Variants in GUCY1A1 observed in about 807,000 individuals in gnomAD.
GUCY1A1 encodes the protein guanylate cyclase 1 soluble subunit alpha 1, also known as guanylate cyclase soluble subunit alpha-1.
Under a neutral mutation model 64.5 loss-of-function variants are expected in GUCY1A1, and 48 were observed. That is an observed-to-expected ratio of 0.74 (90% CI 0.59 to 0.95). The LOEUF is 0.95. Among genes scored for constraint, GUCY1A1 ranks in the 40% least tolerant of loss-of-function variants. The pLI, the probability that GUCY1A1 is intolerant of heterozygous loss-of-function variation, is 0.00. For synonymous variants in GUCY1A1, 308 were observed against 303.4 expected, an observed-to-expected ratio of 1.02 and a Z score of -0.16; for missense variants, 804 against 825.3, an observed-to-expected ratio of 0.97 and a Z score of 0.32.
Position 155,735,150 on chromosome 4 carries a change from A to T in GUCY1A1, c.*4919A>T, listed in dbSNP as rs918171032. ...TACTTCCCTTGAAGCAGCTTTGCTT[A>T]TTACAGCCACACCTGCATCTGTTTT... is the stretch of plus-strand genomic sequence containing the variant. On this transcript the variant is annotated 3_prime_UTR_variant, in exon 10 of 10. Coordinates refer to ENST00000506455, the MANE Select transcript of GUCY1A1 (RefSeq NM_001130682.3). The T allele has an allele frequency of 6.6e-6, 1 of 151,916 alleles. No individual in the cohort carries two copies. Among genetic ancestry groups the T allele is most frequent in the African/African-American group, 2.4e-5 (1 of 41,396 alleles). The allele number at this position is 151,916 out of a possible 1,614,324, so 9.4% of individuals were successfully genotyped here.
chr4:155,697,238 G>C (rs1433646089), intron 3 of GUCY1A1, 116 bp downstream of exon 3: 1 of 759,028 alleles, frequency 1.3e-6, no homozygotes, highest in African/African-American at 1.8e-5. Flanking sequence ...AATAAATGTA[G>C]AATATTTTCT....
rs2170646 is a variant in GUCY1A1 at position 155,696,940 on chromosome 4, G to A, written c.73G>A (p.Val25Ile). ...CPFSLLAPGQ[V>I]PNESSEEAAG... ...TTTCTCCTTACTGGCACCAGGTCAA[G>A]TTCCTAACGAGTCTTCAGAGGAGGC... The change falls in exon 3 of 10, where the codon GTT (valine) becomes ATT (isoleucine). Residue 25 changes from valine (V) to isoleucine (I), a missense_variant. Coordinates refer to ENST00000506455, the MANE Select transcript of GUCY1A1 (RefSeq NM_001130682.3). 5.6e-3 allele frequency: 8,978 copies of A among 1,613,388 alleles called. 433 individuals carry two copies. The African/African-American group carries it at 0.1, about 18-fold the overall frequency.
intron 4 of GUCY1A1, among the ~76,000 whole-genome samples, chr4:155,707,839 C>CTTTCTTTT (rs1553999142): frequency 9.1e-5 from 13 of 143,270 alleles, no homozygotes; most frequent in South Asian, 4.4e-4. Context: ...TTCTTTCTTT[C>CTTTCTTTT]TTTTTTTTTT....
At chr4:155,711,981 T>C (rs1254398333) in intron 6 of GUCY1A1, among the ~76,000 whole-genome samples, 3 of 152,224 alleles carry the variant, frequency 2.0e-5, no homozygotes, top group South Asian at 4.1e-4. Context: ...AAACTAATTA[T>C]ATACATTTTT....
intron 2 of GUCY1A1, among the ~76,000 whole-genome samples, chr4:155,686,858 T>C (rs1305224706): frequency 6.6e-6 from 1 of 152,200 alleles, no homozygotes; most frequent in Non-Finnish European, 1.5e-5. Flanking sequence ...TATTATATAA[T>C]AGAATTAGAT....
chr4:155,680,967 G>GCACACA (rs61277352), intron 2 of GUCY1A1, among the ~76,000 whole-genome samples: 1 of 143,798 alleles, frequency 7.0e-6, no homozygotes, highest in African/African-American at 2.5e-5. Context: ...ACACACACAT[G>GCACACA]CACACACACA....
rs868610245 is a variant in GUCY1A1, at chr4:155,675,058, T to C, written c.-113+7639T>C. Among the ~76,000 whole-genome samples the C allele has an allele frequency of 7.3e-5, 11 of 151,530 alleles. No homozygotes were observed. The South Asian group carries it at 8.3e-4, about 11-fold the overall frequency. On this transcript the variant is annotated intron_variant, in intron 2 of 9. Coordinates refer to ENST00000506455, the MANE Select transcript of GUCY1A1 (RefSeq NM_001130682.3). ...ATTTTTCAGCCCCATTATAAACATA[T>C]GGGAACATGATTGTGTATGTGGTCC...
At chr4:155,693,843 G>C (rs778134378) in intron 2 of GUCY1A1, among the ~76,000 whole-genome samples, 1 of 152,138 alleles carries the variant, frequency 6.6e-6, no homozygotes, top group Admixed American at 6.5e-5. Context: ...GGATTCAGTA[G>C]GAAGATAAGA....
At chr4:155,724,910 T>G (rs1459321417) in intron 9 of GUCY1A1, among the ~76,000 whole-genome samples, 1 of 152,072 alleles carries the variant, frequency 6.6e-6, no homozygotes, top group Non-Finnish European at 1.5e-5. Flanking sequence ...CACAGACTGA[T>G]GAAATCCACT....
rs565159114 is a variant in GUCY1A1 at position 155,721,928 on chromosome 4, G to A, written c.1717-110G>A. On this transcript the variant is annotated intron_variant, in intron 8 of 9. Transcript: ENST00000506455. ...GGCTGAAGGTTTTGAGGAAAGGGGT[G>A]GTGTCCTGAGGGTGAATGGTAAAAT... is the stretch of plus-strand genomic sequence containing the variant. The A allele has an allele frequency of 3.1e-5, 24 of 766,994 alleles. No homozygotes were observed. In the Admixed American group the frequency reaches 3.7e-4, roughly 12 times the overall value. 47.5% of individuals were successfully genotyped at this position (766,994 alleles called of 1,614,324 possible).
rs1031762811 is a variant in GUCY1A1 at position 155,731,550 on chromosome 4, C to G, written c.*1319C>G. On this transcript the variant is annotated 3_prime_UTR_variant, in exon 10 of 10. Transcript: ENST00000506455. Reference sequence around the variant, plus strand: ...ACATAAACATTTAAGCAGCTAGGAACTTTTAGTTTTAGTTAGGTCAGTTGA... The same window carrying G: ...ACATAAACATTTAAGCAGCTAGGAAGTTTTAGTTTTAGTTAGGTCAGTTGA... The G allele has an allele frequency of 7.3e-5, 11 of 151,704 alleles. No homozygotes were observed. The highest frequency in any genetic ancestry group is 2.7e-4 in the African/African-American group (11 of 41,382). The allele number at this position is 151,704 out of a possible 1,614,324, so 9.4% of individuals were successfully genotyped here.
rs1173463722 is a variant in GUCY1A1, at chr4:155,696,805, G to C, written c.-63G>C. On this transcript the variant is annotated 5_prime_UTR_variant, in exon 3 of 10. Transcript: ENST00000506455. ...AATTGATAGTGGCTTCTGTTTGTCA[G>C]TCTCATATAAGAACTACAGCTCATC... 36 of 1,495,344 alleles carry C rather than the reference G, an allele frequency of 2.4e-5. No individual in the cohort carries two copies. The highest frequency in any genetic ancestry group is 3.3e-5 in the Non-Finnish European group (36 of 1,083,862). The allele number at this position is 1,495,344 out of a possible 1,614,324, so 92.6% of individuals were successfully genotyped here. A position where few individuals can be genotyped will look rare whatever the true frequency, so the allele number is the denominator to read the frequency against.
Position 155,713,283 on chromosome 4 carries a change from C to T in GUCY1A1, c.1272C>T (p.Gly424=), listed in dbSNP as rs1475835455. Residue 424 remains glycine, a synonymous_variant, in exon 7 of 10, where the codon GGC becomes GGT. Transcript: ENST00000506455. ...GGGAACAAGCCCGAGCTCAAGATGG[C>T]CTGAAGAAGAGGCTGGGGAAGCTGA... is the stretch of plus-strand genomic sequence containing the variant. ...LIGEQARAQD[G]LKKRLGKLKA... 1 of 1,614,072 alleles carries T rather than the reference C, an allele frequency of 6.2e-7. No homozygotes were observed. The highest frequency in any genetic ancestry group is 8.5e-7 in the Non-Finnish European group (1 of 1,179,986).
In GUCY1A1 at chr4:155,736,195, A is replaced by G. The variant is rs1057002999; in HGVS notation, c.*5964A>G. The stretch of plus-strand genomic sequence containing the variant: ...ACATGCTGCTCTCAATCCATATACT[A>G]CATATTAGGACAGCTTTTCTTTTCT... On this transcript the variant is annotated 3_prime_UTR_variant, in exon 10 of 10. Transcript: ENST00000506455. 1 of 151,952 alleles carries G rather than the reference A, an allele frequency of 6.6e-6. No homozygotes were observed. The highest frequency in any genetic ancestry group is 1.5e-5 in the Non-Finnish European group (1 of 67,926). The allele number at this position is 151,952 out of a possible 1,614,324, so 9.4% of individuals were successfully genotyped here.
At chr4:155,706,538 T>A (rs1336556827) in intron 4 of GUCY1A1, among the ~76,000 whole-genome samples, 1 of 147,490 alleles carries the variant, frequency 6.8e-6, no homozygotes, top group Non-Finnish European at 1.5e-5. Context: ...TTTTTTTCAG[T>A]GAATGAGTGT....
chr4:155,673,862 G>A (rs1734492545), intron 2 of GUCY1A1, among the ~76,000 whole-genome samples: 1 of 151,448 alleles, frequency 6.6e-6, no homozygotes, highest in African/African-American at 2.5e-5. Context: ...GAACTTCCAA[G>A]CCTAAATTGC....
chr4:155,722,035 C>T lies in GUCY1A1; in HGVS notation c.1717-3C>T. ...GGAACATCATGTTATTTTTTGCTTT[C>T]AGATGCGAATTGGACTGCACTCTGG... On this transcript the variant is annotated splice_polypyrimidine_tract_variant and splice_region_variant and intron_variant, in intron 8 of 9. Transcript: ENST00000506455. 1.9e-6 allele frequency: 3 copies of T among 1,603,072 alleles called. No individual in the cohort carries two copies. Among genetic ancestry groups the T allele is most frequent in the Non-Finnish European group, 2.6e-6 (3 of 1,171,912 alleles).
rs764803731 is a variant in GUCY1A1, at chr4:155,713,144, C to A, written c.1133C>A (p.Ala378Glu). 1.2e-6 allele frequency: 2 copies of A among 1,613,106 alleles called. No individual in the cohort carries two copies. The highest frequency in any genetic ancestry group is 3.3e-5 in the Admixed American group (2 of 60,014). ...GQMIYIVESSAILFLGSPCVD... is the reference protein window; with the variant it reads ...GQMIYIVESSEILFLGSPCVD... ...ATGATCTACATTGTTGAATCCAGTG[C>A]AATCTTGTTTTTGGGGTCACCCTGT... Residue 378 changes from alanine (A) to glutamate (E), a missense_variant, in exon 7 of 10, where the codon GCA becomes GAA. Physicochemically the swap from Ala to Glu is moderately radical, Grantham distance 107. Transcript: ENST00000506455.
intron 8 of GUCY1A1, among the ~76,000 whole-genome samples, chr4:155,717,511 G>A (rs1019180262): frequency 6.6e-6 from 1 of 152,100 alleles, no homozygotes; most frequent in East Asian, 1.9e-4. Context: ...TGAGAGGACA[G>A]AAGAACCCAT....
Sources: gnomAD v4.1 joint callset for allele counts (sites outside exome capture counted in the v4.1 genomes callset) on GRCh38, gnomAD v4.1.1 for gene constraint, MANE v1.5 for transcripts, NCBI Gene and HGNC (gene_info 2026-07-23, HGNC 2026-07-21) for gene names.